Variants in UNC13B observed in about 807,000 individuals in gnomAD.
The protein encoded by UNC13B is unc-13 homolog B.
In UNC13B, 144 loss-of-function variants were observed where a neutral mutation model predicts 211.0. The ratio of observed to expected loss-of-function variants is 0.68; its 90% CI spans 0.60 to 0.78. UNC13B has a LOEUF of 0.78. Ranked by LOEUF, UNC13B falls within the 30% of genes least tolerant of loss-of-function variation. The pLI is 0.00. For synonymous variants in UNC13B, 709 were observed against 725.8 expected, an observed-to-expected ratio of 0.98 and a Z score of 0.37; for missense variants, 1,777 against 2,002.0, an observed-to-expected ratio of 0.89 and a Z score of 2.14.
At chr9:35,325,711 T>C (rs1830967960) in intron 11 of UNC13B, among the ~76,000 whole-genome samples, 1 of 152,110 alleles carries the variant, frequency 6.6e-6, no homozygotes, top group African/African-American at 2.4e-5. Context: ...CAAAAGGAAA[T>C]CCCATACCCA....
At chr9:35,334,213 G>A (rs955383128) in intron 11 of UNC13B, among the ~76,000 whole-genome samples, 2 of 152,110 alleles carry the variant, frequency 1.3e-5, no homozygotes, top group African/African-American at 2.4e-5. Flanking sequence ...TGATCTGCCC[G>A]CTCTGGCCTC....
At chr9:35,353,339 A>T in intron 11 of UNC13B, 1 of 1,232,214 alleles carries the variant, frequency 8.1e-7, no homozygotes. Context: ...GCTGGAGAAC[A>T]GTGGGTCCAT....
In UNC13B at chr9:35,403,194, A is replaced by G; in HGVS notation, c.12512A>G (p.Glu4171Gly). ...QGSGVDDPVGEVSIQVDLFTH... is the reference protein window; with the variant it reads ...QGSGVDDPVGGVSIQVDLFTH... ...TCTGGTGTGGACGATCCTGTGGGAG[A>G]AGTCTCTATTCAGGTGGACTTGTTT... The change falls in exon 38 of 40, where the codon GAA becomes GGA. Residue 4171 changes from glutamate (E) to glycine (G), a missense_variant. Coordinates refer to ENST00000635942, the MANE Select transcript of UNC13B (RefSeq NM_001371189.2). 1.9e-6 allele frequency: 3 copies of G among 1,614,022 alleles called. No individual in the cohort carries two copies. Among genetic ancestry groups the G allele is most frequent in the Non-Finnish European group, 1.7e-6 (2 of 1,179,974 alleles).
At chr9:35,290,854 A>G (rs1469093218) in intron 7 of UNC13B, among the ~76,000 whole-genome samples, 3 of 152,052 alleles carry the variant, frequency 2.0e-5, no homozygotes, top group Non-Finnish European at 2.9e-5. Flanking sequence ...GTCTCTCTCT[A>G]TAGTGAAAGG....
chr9:35,284,267 A>G (rs1828668422), intron 7 of UNC13B, among the ~76,000 whole-genome samples: 1 of 152,180 alleles, frequency 6.6e-6, no homozygotes, highest in African/African-American at 2.4e-5. Flanking sequence ...TTCTGTTTCA[A>G]AAAAACCAAA....
At chr9:35,202,575 G>A (rs961394774) in intron 1 of UNC13B, among the ~76,000 whole-genome samples, 1 of 152,096 alleles carries the variant, frequency 6.6e-6, no homozygotes, top group African/African-American at 2.4e-5. Context: ...AGCTCTTCTT[G>A]TTGAATTGAT....
In UNC13B at chr9:35,206,723, A is replaced by T. The variant is rs115344544; in HGVS notation, c.23-21292A>T. On this transcript the variant is annotated intron_variant, in intron 1 of 39. Coordinates refer to ENST00000635942, the MANE Select transcript of UNC13B (RefSeq NM_001371189.2). ...ATCCCATCTCTACTAAAAGTGCAAT[A>T]ATTAGCTGGGTGTGGTGTCGCACAC... 1.7e-3 allele frequency among the ~76,000 whole-genome samples: 257 copies of T among 152,158 alleles called. 1 individual carries two copies. The highest frequency in any genetic ancestry group is 6.0e-3 in the African/African-American group (250 of 41,516).
At chr9:35,391,899 T>A (rs1835560415) in intron 26 of UNC13B, among the ~76,000 whole-genome samples, 1 of 152,202 alleles carries the variant, frequency 6.6e-6, no homozygotes. Context: ...CAGCCCTGCA[T>A]TTATCAATCT....
chr9:35,316,221 A>T (rs1830442440), intron 11 of UNC13B, among the ~76,000 whole-genome samples: 1 of 152,048 alleles, frequency 6.6e-6, no homozygotes, highest in African/African-American at 2.4e-5. Context: ...TTTCTATATT[A>T]ATTAATTAGT....
chr9:35,224,353 T>A (rs1303505213), intron 1 of UNC13B, among the ~76,000 whole-genome samples: 5 of 152,232 alleles, frequency 3.3e-5, no homozygotes, highest in Non-Finnish European at 7.3e-5. Context: ...GTTGTAGAGG[T>A]CTTTCACCCT....
chr9:35,287,734 G>A (rs1661217082), intron 7 of UNC13B, among the ~76,000 whole-genome samples: 1 of 152,094 alleles, frequency 6.6e-6, no homozygotes. Flanking sequence ...CAGGTGCTGA[G>A]GATACAGCAA....
chr9:35,278,175 G>A (rs573534060), intron 7 of UNC13B, among the ~76,000 whole-genome samples: 52 of 152,238 alleles, frequency 3.4e-4, no homozygotes, highest in African/African-American at 1.2e-3. Context: ...TGTTGTTGTT[G>A]GCCTTCAAAA....
Position 35,307,926 on chromosome 9 carries a change from T to A in UNC13B, c.8522T>A (p.Leu2841His). ...DSKLGFGKVD[L>H]SFPWPKENKG... Reference sequence around the variant, plus strand: ...AAACTAGGATTTGGAAAGGTAGATCTTTCATTTCCATGGCCAAAAGAGAAC... The same window carrying A: ...AAACTAGGATTTGGAAAGGTAGATCATTCATTTCCATGGCCAAAAGAGAAC... The change falls in exon 9 of 40, where the codon CTT becomes CAT. Residue 2841 changes from leucine to histidine, a missense_variant. Physicochemically the swap from Leu to His is moderately conservative, Grantham distance 99 (BLOSUM62 -3). Coordinates refer to ENST00000635942, the MANE Select transcript of UNC13B (RefSeq NM_001371189.2). The A allele has an allele frequency of 2.5e-6, 1 of 398,998 alleles. No homozygotes were observed. Among genetic ancestry groups the A allele is most frequent in the East Asian group, 3.6e-5 (1 of 28,072 alleles). The allele number at this position is 398,998 out of a possible 1,614,324, so 24.7% of individuals were successfully genotyped here.
At chr9:35,386,835 C>T (rs1458650930) in intron 24 of UNC13B, among the ~76,000 whole-genome samples, 1 of 152,216 alleles carries the variant, frequency 6.6e-6, no homozygotes, top group Non-Finnish European at 1.5e-5. Flanking sequence ...TTTAGCCTGG[C>T]ACCCTAAGTC....
chr9:35,246,799 T>A (rs1331228948), intron 6 of UNC13B, among the ~76,000 whole-genome samples: 1 of 152,200 alleles, frequency 6.6e-6, no homozygotes, highest in East Asian at 1.9e-4. Flanking sequence ...CCTCCAGCTT[T>A]GTTCTTTTGG....
At chr9:35,384,189 AG>A in intron 21 of UNC13B, 56 bp from the exon 22 acceptor site, 1 of 1,610,132 alleles carries the variant, frequency 6.2e-7, no homozygotes, top group Non-Finnish European at 8.5e-7. Flanking sequence ...GTTATAGTTT[AG>A]GGGACTCAGA....
chr9:35,227,882 G>C (rs1488556660), intron 1 of UNC13B, 133 bp from the exon 2 acceptor site: 2 of 661,256 alleles, frequency 3.0e-6, no homozygotes, highest in South Asian at 2.7e-5. Flanking sequence ...AGAAGTCTCA[G>C]CTTTTTTTCT....
chr9:35,381,274 C>A, intron 19 of UNC13B, 59 bp downstream of exon 19: 8 of 1,452,134 alleles, frequency 5.5e-6, no homozygotes, highest in Non-Finnish European at 7.6e-6. Flanking sequence ...GGCCTTTGGC[C>A]ATAAGTAGGA....
intron 1 of UNC13B, among the ~76,000 whole-genome samples, chr9:35,204,358 A>T (rs900049967): frequency 6.6e-6 from 1 of 152,234 alleles, no homozygotes; most frequent in African/African-American, 2.4e-5. Context: ...CACAGAGTCC[A>T]CACTGGGGCA....
Sources: gnomAD v4.1 joint callset for allele counts (sites outside exome capture counted in the v4.1 genomes callset) on GRCh38, gnomAD v4.1.1 for gene constraint, MANE v1.5 for transcripts, NCBI Gene and HGNC (gene_info 2026-07-23, HGNC 2026-07-21) for gene names.